The following PCDH9 variants were observed in gnomAD, a reference collection of about 807,000 sequenced individuals.
The protein encoded by PCDH9 is protocadherin-9.
Under a neutral mutation model 70.6 loss-of-function variants are expected in PCDH9, and 24 were observed. That is an observed-to-expected ratio of 0.34 (90% CI 0.25 to 0.48). The LOEUF (loss-of-function observed/expected upper bound fraction) is 0.48, where lower values mean the gene tolerates loss of function less well. Ranked by LOEUF, PCDH9 falls within the 20% of genes least tolerant of loss-of-function variation. The probability of loss-of-function intolerance (pLI) is 0.99; values close to 1 mark genes in which losing one functional copy is unlikely to be tolerated. For missense variants in PCDH9, 1,281 were observed against 1,503.6 expected (o/e 0.85, Z 2.45); for synonymous variants, 562 against 558.5 (o/e 1.01, Z -0.09).
chr13:66,747,680 CAT>C (rs1159296412), intron 3 of PCDH9, among the ~76,000 whole-genome samples: 1 of 151,898 alleles, frequency 6.6e-6, no homozygotes, highest in African/African-American at 2.4e-5. Context: ...ATCAAAAAAA[CAT>C]AATCAAAAAA....
At chr13:66,936,185 G>A (rs566512947) in intron 2 of PCDH9, among the ~76,000 whole-genome samples, 1 of 152,270 alleles carries the variant, frequency 6.6e-6, no homozygotes, top group South Asian at 2.1e-4. Flanking sequence ...AATATCTTAT[G>A]CATGTTATGC....
At chr13:67,158,862 C>G (rs1352415503) in intron 2 of PCDH9, among the ~76,000 whole-genome samples, 1 of 152,152 alleles carries the variant, frequency 6.6e-6, no homozygotes, top group Non-Finnish European at 1.5e-5. Context: ...CACTGAATGA[C>G]TCAAGCAAAG....
At chr13:67,064,107 A>G (rs1221127786) in intron 2 of PCDH9, among the ~76,000 whole-genome samples, 1 of 152,040 alleles carries the variant, frequency 6.6e-6, no homozygotes, top group Non-Finnish European at 1.5e-5. Context: ...AGTGCTGGAG[A>G]CCTCTGTTGA....
In PCDH9 at chr13:66,670,912, T is replaced by TA. The variant is rs35287889; in HGVS notation, c.3139-39502dup. On this transcript the variant is annotated intron_variant, in intron 3 of 4. Coordinates refer to ENST00000377865, the MANE Select transcript of PCDH9 (RefSeq NM_203487.3). ...TATCTAACATGACTGTGTTCTTATTTAAAAAAAAAAAAAAAAAAAAAAAGG... is the reference window on the plus strand; with the variant it reads ...TATCTAACATGACTGTGTTCTTATTTAAAAAAAAAAAAAAAAAAAAAAAAGG... 5.0e-3 allele frequency among the ~76,000 whole-genome samples: 605 copies of TA among 120,200 alleles called. 2 individuals are homozygous for TA. Among genetic ancestry groups the TA allele is most frequent in the African/African-American group, 6.2e-3 (202 of 32,770 alleles). 78.9% of individuals were successfully genotyped at this position (120,200 alleles called of 152,430 possible).
intron 3 of PCDH9, among the ~76,000 whole-genome samples, chr13:66,761,441 C>T (rs1330835881): frequency 1.3e-5 from 2 of 152,112 alleles, no homozygotes; most frequent in Admixed American, 6.6e-5. Flanking sequence ...ATTTCTACCC[C>T]CTTTATCTTC....
chr13:66,769,481 G>GT (rs2079770223), intron 3 of PCDH9, among the ~76,000 whole-genome samples: 1 of 148,494 alleles, frequency 6.7e-6, no homozygotes, highest in African/African-American at 2.5e-5. Context: ...GTAGCAACAT[G>GT]GTTTTTTTTT....
At chr13:66,415,935 CAT>C (rs1273288515) in intron 4 of PCDH9, among the ~76,000 whole-genome samples, 3 of 152,050 alleles carry the variant, frequency 2.0e-5, no homozygotes, top group East Asian at 3.9e-4. Flanking sequence ...GTAGAAAAGA[CAT>C]AGTGTCTTAA....
intron 2 of PCDH9, among the ~76,000 whole-genome samples, chr13:67,198,393 C>T (rs1463688436): frequency 6.6e-6 from 1 of 151,800 alleles, no homozygotes; most frequent in Admixed American, 6.6e-5. Flanking sequence ...ATTTATTGAG[C>T]GCCTACTGTG....
At chr13:66,885,138 T>C (rs142351605) in intron 3 of PCDH9, among the ~76,000 whole-genome samples, 104 of 152,290 alleles carry the variant, frequency 6.8e-4, no homozygotes, top group African/African-American at 2.4e-3. Context: ...TCTAATCTTC[T>C]GATGCTCTCC....
intron 3 of PCDH9, among the ~76,000 whole-genome samples, chr13:66,642,368 G>A (rs1169724818): frequency 6.6e-6 from 1 of 151,762 alleles, no homozygotes; most frequent in African/African-American, 2.4e-5. Context: ...AGCCTGACCA[G>A]GTAACAAAAA....
At chr13:66,797,997 G>A (rs2080271671) in intron 3 of PCDH9, among the ~76,000 whole-genome samples, 1 of 149,852 alleles carries the variant, frequency 6.7e-6, no homozygotes. Context: ...GAAAGGGAGG[G>A]AAGAAAAATA....
chr13:66,726,800 T>C (rs942621078), intron 3 of PCDH9, among the ~76,000 whole-genome samples: 1 of 152,374 alleles, frequency 6.6e-6, no homozygotes, highest in Non-Finnish European at 1.5e-5. Context: ...CTAACTTGCA[T>C]AGATTTAATC....
chr13:66,848,946 A>T (rs1191243102), intron 3 of PCDH9, among the ~76,000 whole-genome samples: 1 of 151,676 alleles, frequency 6.6e-6, no homozygotes, highest in Admixed American at 6.6e-5. Context: ...AAAAAAAAAA[A>T]AAAAAATAGA....
intron 2 of PCDH9, among the ~76,000 whole-genome samples, chr13:67,103,835 G>C (rs898005832): frequency 1.3e-5 from 2 of 152,086 alleles, no homozygotes; most frequent in African/African-American, 4.8e-5. Context: ...GAAAATCTTT[G>C]AGCATGGAAT....
intron 3 of PCDH9, among the ~76,000 whole-genome samples, chr13:66,759,513 A>G (rs1318755641): frequency 1.3e-5 from 2 of 152,020 alleles, no homozygotes; most frequent in Admixed American, 1.3e-4. Flanking sequence ...AGGACTTACT[A>G]TTGCCATTTT....
At chr13:67,220,463 A>G (rs1302165890) in intron 2 of PCDH9, 5 of 151,964 alleles carry the variant, frequency 3.3e-5, no homozygotes, top group Non-Finnish European at 7.4e-5. Flanking sequence ...TATTTCACAT[A>G]TTTTAATTTA....
At chr13:66,473,159 C>T (rs555357494) in intron 4 of PCDH9, among the ~76,000 whole-genome samples, 1 of 151,962 alleles carries the variant, frequency 6.6e-6, no homozygotes, top group Admixed American at 6.5e-5. Context: ...CACAGTGATG[C>T]TAAATCTTAC....
intron 3 of PCDH9, among the ~76,000 whole-genome samples, chr13:66,800,774 TG>T (rs1244851461): frequency 1.3e-5 from 2 of 152,078 alleles, no homozygotes; most frequent in South Asian, 2.1e-4. Flanking sequence ...TAAGTCAAAT[TG>T]TTTTTTTTAC....
chr13:66,380,209 T>A (rs533433315), intron 4 of PCDH9, among the ~76,000 whole-genome samples: 1 of 152,136 alleles, frequency 6.6e-6, no homozygotes, highest in Non-Finnish European at 1.5e-5. Context: ...ATATATTGTG[T>A]TTTTTAAATA....
Sources: allele counts gnomAD v4.1 joint callset (sites outside exome capture counted in the v4.1 genomes callset), GRCh38; gene constraint gnomAD v4.1.1; transcripts MANE v1.5; gene names NCBI Gene and HGNC (gene_info 2026-07-23, HGNC 2026-07-21).